Variants in TYW1 observed in about 807,000 individuals in gnomAD.
TYW1 encodes the protein S-adenosyl-L-methionine-dependent tRNA 4-demethylwyosine synthase TYW1.
In TYW1, 46 loss-of-function variants were observed where a neutral mutation model predicts 96.2. The ratio of observed to expected loss-of-function variants is 0.48; its 90% CI spans 0.38 to 0.61. The LOEUF (loss-of-function observed/expected upper bound fraction) is 0.61. Ranked by LOEUF, TYW1 falls within the 20% of genes least tolerant of loss-of-function variation. TYW1 has a pLI of 0.00. For synonymous variants in TYW1, 274 were observed against 323.0 expected, an observed-to-expected ratio of 0.85 and a Z score of 1.63; for missense variants, 684 against 909.6, an observed-to-expected ratio of 0.75 and a Z score of 3.19.
At chr7:67,209,200 G>C (rs1800915204) in intron 15 of TYW1, among the ~76,000 whole-genome samples, 1 of 152,204 alleles carries the variant, frequency 6.6e-6, no homozygotes, top group Non-Finnish European at 1.5e-5. Flanking sequence ...AGGTAAATGA[G>C]CCTGCATGTT....
chr7:67,199,620 C>A (rs1315116818), intron 15 of TYW1, among the ~76,000 whole-genome samples: 1 of 152,138 alleles, frequency 6.6e-6, no homozygotes, highest in Non-Finnish European at 1.5e-5. Context: ...AAAAGCCCTC[C>A]CTTTCCTCCC....
chr7:67,201,638 A>T (rs1461320278), intron 15 of TYW1, among the ~76,000 whole-genome samples: 2 of 152,088 alleles, frequency 1.3e-5, no homozygotes, highest in Admixed American at 1.3e-4. Context: ...GTCAGGAAGA[A>T]ATTCCAGCAA....
chr7:67,061,696 T>C (rs1162415859), intron 9 of TYW1, among the ~76,000 whole-genome samples: 1 of 152,220 alleles, frequency 6.6e-6, no homozygotes, highest in Admixed American at 6.5e-5. Context: ...GAGAGCAGAT[T>C]TTTATTGAAT....
At chr7:66,997,306 C>T (rs13312285) in intron 1 of TYW1, among the ~76,000 whole-genome samples, 19 of 133,098 alleles carry the variant, frequency 1.4e-4, no homozygotes, top group African/African-American at 4.7e-4. Context: ...AGCCAGGTCC[C>T]TGCATATCTC....
At chr7:67,161,693 A>G (rs1444279541) in intron 13 of TYW1, among the ~76,000 whole-genome samples, 3 of 152,182 alleles carry the variant, frequency 2.0e-5, no homozygotes, top group Non-Finnish European at 4.4e-5. Context: ...TATTTAGTAA[A>G]TAATGCACAT....
chr7:67,145,875 CT>C (rs1400644255), intron 13 of TYW1, among the ~76,000 whole-genome samples: 3 of 152,120 alleles, frequency 2.0e-5, no homozygotes, highest in African/African-American at 7.2e-5. Context: ...CCACCTCAAC[CT>C]CCCAAATAGC....
In TYW1 at chr7:67,050,108, A is replaced by G. The variant is rs768032001; in HGVS notation, c.1102+42A>G. 3.1e-6 allele frequency: 5 copies of G among 1,604,466 alleles called. No homozygotes were observed. The East Asian group carries it at 1.1e-4, about 36-fold the overall frequency. The stretch of plus-strand genomic sequence containing the variant: ...ATTGTTGTTATATGACTGTAGTCTT[A>G]GGCATTCTCATTTGATACCTGGAAT... On this transcript the variant is annotated intron_variant, in intron 8 of 15. Transcript: ENST00000359626.
intron 3 of TYW1, among the ~76,000 whole-genome samples, chr7:67,002,238 A>T (rs1481700534): frequency 6.6e-6 from 1 of 151,490 alleles, no homozygotes; most frequent in Admixed American, 6.6e-5. Flanking sequence ...TTTTGTAGAG[A>T]TGGGGTCTCC....
chr7:67,184,794 G>A (rs1161817229), intron 14 of TYW1, among the ~76,000 whole-genome samples: 2 of 151,334 alleles, frequency 1.3e-5, no homozygotes, highest in Non-Finnish European at 2.9e-5. Flanking sequence ...TGAAACCTCC[G>A]CCTCCCGGGT....
intron 10 of TYW1, among the ~76,000 whole-genome samples, chr7:67,080,219 T>A (rs1219640239): frequency 2.6e-5 from 4 of 152,138 alleles, no homozygotes. Context: ...TCCCATTAGA[T>A]CTCATAATGT....
chr7:67,044,256 G>A (rs1309034579), intron 7 of TYW1, among the ~76,000 whole-genome samples: 16 of 151,488 alleles, frequency 1.1e-4, no homozygotes, highest in South Asian at 6.3e-4. Flanking sequence ...ATGCCACCAC[G>A]CCTGGCTAAT....
At chr7:67,103,119 G>A (rs1018308295) in intron 12 of TYW1, among the ~76,000 whole-genome samples, 1 of 152,208 alleles carries the variant, frequency 6.6e-6, no homozygotes, top group African/African-American at 2.4e-5. Flanking sequence ...AAGTGGGCAC[G>A]TCTTTGTTAT....
chr7:67,166,444 T>A (rs1449561180), intron 13 of TYW1, among the ~76,000 whole-genome samples: 3 of 150,922 alleles, frequency 2.0e-5, no homozygotes. Flanking sequence ...CATGAACTGC[T>A]GGATGAATTA....
chr7:67,083,640 C>A (rs1477250611), intron 11 of TYW1, 101 bp downstream of exon 11: 22 of 1,294,364 alleles, frequency 1.7e-5, no homozygotes, highest in Non-Finnish European at 2.3e-5. Flanking sequence ...TCCCCACTGG[C>A]AAATTTTCCT....
chr7:67,013,195 C>T (rs973038577), intron 4 of TYW1, among the ~76,000 whole-genome samples: 4 of 151,052 alleles, frequency 2.6e-5, no homozygotes, highest in Non-Finnish European at 4.4e-5. Flanking sequence ...TGATGGTGGC[C>T]CACTGCAGCC....
chr7:67,135,302 G>GTTTTTTTTTTTTT (rs869257148), intron 13 of TYW1, among the ~76,000 whole-genome samples: 2 of 111,824 alleles, frequency 1.8e-5, no homozygotes, highest in African/African-American at 7.6e-5. Flanking sequence ...TGTTAAAACA[G>GTTTTTTTTTTTTT]TTTTTTTTTT....
rs949992775 is a variant in TYW1 at position 67,028,167 on chromosome 7, C to T, written c.984+3145C>T. 1.1e-4 allele frequency among the ~76,000 whole-genome samples: 16 copies of T among 149,624 alleles called. No homozygotes were observed. In the East Asian group the frequency reaches 2.2e-3, roughly 20 times the overall value. On this transcript the variant is annotated intron_variant, in intron 7 of 15. Transcript: ENST00000359626. ...GGCACGAGAATCTTTTGAACCCTGGCGGCAGAGGTTGCATTCAGCTGAGAT... is the reference window on the plus strand; with the variant it reads ...GGCACGAGAATCTTTTGAACCCTGGTGGCAGAGGTTGCATTCAGCTGAGAT...
chr7:67,233,725 A>G lies in TYW1; in HGVS notation c.1978-4583A>G, dbSNP rs796327300. Among the ~76,000 whole-genome samples, 3 of 135,308 alleles carry G rather than the reference A, an allele frequency of 2.2e-5. 1 individual carries two copies. Among genetic ancestry groups the G allele is most frequent in the Admixed American group, 7.4e-5 (1 of 13,462 alleles). 88.8% of individuals were successfully genotyped at this position (135,308 alleles called of 152,430 possible). The stretch of plus-strand genomic sequence containing the variant: ...GCTGTTTGTGTGTCAGTCATACCAA[A>G]TTTTGCTCTTTCAGCTTCTGCCTTT... On this transcript the variant is annotated intron_variant, in intron 15 of 15. Coordinates refer to ENST00000359626, the MANE Select transcript of TYW1 (RefSeq NM_018264.4).
chr7:67,109,143 G>A (rs1296564410), intron 12 of TYW1, among the ~76,000 whole-genome samples: 4 of 151,566 alleles, frequency 2.6e-5, no homozygotes, highest in Admixed American at 1.3e-4. Flanking sequence ...GCGCAGTGGC[G>A]GGCACCTGTA....
Sources: gnomAD v4.1 joint callset for allele counts (sites outside exome capture counted in the v4.1 genomes callset) on GRCh38, gnomAD v4.1.1 for gene constraint, MANE v1.5 for transcripts, NCBI Gene and HGNC (gene_info 2026-07-23, HGNC 2026-07-21) for gene names.